The following CDH12 variants were observed in gnomAD, a reference collection of about 807,000 sequenced individuals.
CDH12 encodes the protein cadherin 12.
CDH12 carries 41 observed loss-of-function variants against 74.1 expected under a neutral mutation model. The observed-to-expected ratio is 0.55, with a 90% CI of 0.43 to 0.72. The LOEUF (loss-of-function observed/expected upper bound fraction) is 0.72. CDH12 is among the 30% of genes least tolerant of loss of function. The pLI is 0.00. For synonymous variants in CDH12, 399 were observed against 355.0 expected, an observed-to-expected ratio of 1.12 and a Z score of -1.39; for missense variants, 945 against 977.2, an observed-to-expected ratio of 0.97 and a Z score of 0.44.
intron 5 of CDH12, among the ~76,000 whole-genome samples, chr5:22,069,514 A>C (rs1415425109): frequency 2.0e-5 from 3 of 152,038 alleles, no homozygotes; most frequent in Non-Finnish European, 4.4e-5. Context: ...TATTAGCAAA[A>C]ATTTTGCTTC....
chr5:21,772,071 G>T (rs1169064493), intron 11 of CDH12, among the ~76,000 whole-genome samples: 1 of 152,004 alleles, frequency 6.6e-6, no homozygotes, highest in Admixed American at 6.6e-5. Flanking sequence ...AAGTTTTTCA[G>T]ATTTACTTTG....
intron 3 of CDH12, among the ~76,000 whole-genome samples, chr5:22,273,347 G>T (rs991609854): frequency 6.6e-6 from 1 of 152,176 alleles, no homozygotes; most frequent in African/African-American, 2.4e-5. Context: ...TGATAGGCCT[G>T]CTCAATGCAA....
chr5:21,961,515 G>A (rs1756363269), intron 6 of CDH12, among the ~76,000 whole-genome samples: 1 of 152,140 alleles, frequency 6.6e-6, no homozygotes, highest in Admixed American at 6.6e-5. Flanking sequence ...ATATGTTGAA[G>A]TCCTTACCCC....
intron 2 of CDH12, among the ~76,000 whole-genome samples, chr5:22,493,714 C>T (rs1354368012): frequency 6.6e-6 from 1 of 151,726 alleles, no homozygotes; most frequent in East Asian, 1.9e-4. Flanking sequence ...TTATGGATAC[C>T]GTGAGATGGG....
In CDH12 at chr5:22,349,330, T is replaced by G. The variant is rs552248604; in HGVS notation, c.-333+55927A>C. On this transcript the variant is annotated intron_variant, in intron 3 of 14. Coordinates refer to ENST00000382254, the MANE Select transcript of CDH12 (RefSeq NM_004061.5). ...TGGAAGAGTTTGCAGGATAAAAGCA[T>G]GATAATCTCATGATAATGATACAAA... is the stretch of plus-strand genomic sequence containing the variant. Among the ~76,000 whole-genome samples the G allele has an allele frequency of 4.5e-4, 69 of 152,328 alleles. 2 individuals are homozygous for G. The highest frequency in any genetic ancestry group is 1.5e-3 in the African/African-American group (64 of 41,580).
At chr5:22,695,674 CAT>C (rs1047124894) in intron 1 of CDH12, among the ~76,000 whole-genome samples, 7 of 152,096 alleles carry the variant, frequency 4.6e-5, no homozygotes, top group Admixed American at 1.3e-4. Context: ...TCTAATAAAA[CAT>C]AGCAATTTTT....
chr5:21,863,526 A>G (rs1428483366), intron 6 of CDH12, among the ~76,000 whole-genome samples: 3 of 152,284 alleles, frequency 2.0e-5, no homozygotes, highest in African/African-American at 7.2e-5. Flanking sequence ...GTCCAAAATA[A>G]ATGTTTATTG....
chr5:22,800,291 G>T (rs1241044045), intron 1 of CDH12, among the ~76,000 whole-genome samples: 1 of 152,036 alleles, frequency 6.6e-6, no homozygotes, highest in Non-Finnish European at 1.5e-5. Flanking sequence ...CAAACTAACT[G>T]GTTTCTTGGT....
intron 3 of CDH12, among the ~76,000 whole-genome samples, chr5:22,335,724 A>T (rs1739553946): frequency 1.3e-5 from 2 of 152,152 alleles, no homozygotes; most frequent in African/African-American, 2.4e-5. Context: ...AGCCACATGG[A>T]ACTGTGAGTC....
chr5:22,367,141 T>C (rs776744302), intron 3 of CDH12, among the ~76,000 whole-genome samples: 4 of 152,182 alleles, frequency 2.6e-5, no homozygotes, highest in Non-Finnish European at 5.9e-5. Context: ...ATTCTCTTTT[T>C]AATCTTTAGA....
At chr5:21,955,196 C>CA (rs1302508986) in intron 6 of CDH12, among the ~76,000 whole-genome samples, 16 of 151,678 alleles carry the variant, frequency 1.1e-4, no homozygotes, top group African/African-American at 3.6e-4. Context: ...TAGGCACTTG[C>CA]AAATGTCAGA....
chr5:22,485,540 A>G (rs1195738507), intron 2 of CDH12, among the ~76,000 whole-genome samples: 1 of 152,200 alleles, frequency 6.6e-6, no homozygotes. Flanking sequence ...CCCCTGGCCA[A>G]CATAAAGTTA....
chr5:22,687,384 G>A lies in CDH12; in HGVS notation c.-523+165674C>T, dbSNP rs377635530. Among the ~76,000 whole-genome samples the A allele has an allele frequency of 6.6e-5, 10 of 152,158 alleles. No homozygotes were observed. In the East Asian group the frequency reaches 1.5e-3, roughly 24 times the overall value. On this transcript the variant is annotated intron_variant, in intron 1 of 14. Transcript: ENST00000382254. ...TTGTTATTATGTTGAGACAAATATA[G>A]CACTGTAAAATTCCTCCACACTTTT...
intron 1 of CDH12, among the ~76,000 whole-genome samples, chr5:22,591,593 C>A (rs992974767): frequency 2.0e-5 from 3 of 152,074 alleles, no homozygotes; most frequent in African/African-American, 7.2e-5. Context: ...TATTTTCCAA[C>A]TTCCAAAATG....
intron 4 of CDH12, among the ~76,000 whole-genome samples, chr5:22,183,742 GA>G (rs1352916579): frequency 2.0e-5 from 3 of 152,046 alleles, no homozygotes; most frequent in Admixed American, 2.0e-4. Context: ...CAGGACACAA[GA>G]AATCTTACGA....
chr5:22,187,822 C>T (rs1481825721), intron 4 of CDH12, among the ~76,000 whole-genome samples: 1 of 152,092 alleles, frequency 6.6e-6, no homozygotes, highest in East Asian at 1.9e-4. Flanking sequence ...TGGTAAGTTG[C>T]TTAAAGTATA....
intron 4 of CDH12, among the ~76,000 whole-genome samples, chr5:22,098,446 C>A (rs570442143): frequency 6.6e-6 from 1 of 152,334 alleles, no homozygotes; most frequent in East Asian, 1.9e-4. Context: ...GTCCAAACAA[C>A]TTGACCTTAC....
intron 1 of CDH12, among the ~76,000 whole-genome samples, chr5:22,605,317 C>A (rs2126818157): frequency 6.6e-6 from 1 of 152,300 alleles, no homozygotes; most frequent in Admixed American, 6.5e-5. Context: ...TATATACATT[C>A]TATTAGTTCT....
intron 3 of CDH12, among the ~76,000 whole-genome samples, chr5:22,379,475 A>T (rs1741669331): frequency 6.6e-6 from 1 of 152,172 alleles, no homozygotes; most frequent in Non-Finnish European, 1.5e-5. Flanking sequence ...GGTTGTTCAC[A>T]CGATTAAATG....
Sources: allele counts gnomAD v4.1 joint callset (sites outside exome capture counted in the v4.1 genomes callset), GRCh38; gene constraint gnomAD v4.1.1; transcripts MANE v1.5; gene names NCBI Gene and HGNC (gene_info 2026-07-23, HGNC 2026-07-21).